Variants in HORMAD2 observed in about 807,000 individuals in gnomAD.
The protein encoded by HORMAD2 is HORMA domain-containing protein 2.
HORMAD2 carries 45 observed loss-of-function variants against 38.8 expected under a neutral mutation model. The observed-to-expected ratio is 1.16, with a 90% confidence interval of 0.91 to 1.49. The LOEUF (loss-of-function observed/expected upper bound fraction) is 1.49. Among genes scored for constraint, HORMAD2 ranks in the 40% most tolerant of loss-of-function variants. HORMAD2 has a pLI of 0.00. For missense variants in HORMAD2, 338 were observed against 367.0 expected (o/e 0.92, Z 0.65); for synonymous variants, 126 against 122.8 (o/e 1.03, Z -0.17).
chr22:30,094,001 A>G lies in HORMAD2; in HGVS notation c.49A>G (p.Lys17Glu). Residue 17 changes from lysine to glutamate, a missense_variant and splice_region_variant, in exon 2 of 11, where the codon AAG (lysine) becomes GAG (glutamate). Lys to Glu is a moderately conservative substitution (Grantham distance 56). Transcript: ENST00000336726. ...CTGCATCACAATACACAAGGCTTCT[A>G]AGGTATTTGTTAAGAATTAAAAGAA... ...SHCITIHKAS[K>E]ETVFPSQITN... The G allele has an allele frequency of 1.3e-6, 2 of 1,599,308 alleles. No homozygotes were observed. Among genetic ancestry groups the G allele is most frequent in the South Asian group, 1.1e-5 (1 of 89,272 alleles).
chr22:30,078,607 C>CAAAAAAAAAAAAA (rs55966787), upstream of HORMAD2, among the ~76,000 whole-genome samples: 50 of 28,098 alleles, frequency 1.8e-3, 6 homozygotes, highest in Non-Finnish European at 2.2e-3. Context: ...CTCTGTCTCA[C>CAAAAAAAAAAAAA]AAAAAAAAAA....
chr22:30,111,909 C>A, intron 6 of HORMAD2, 93 bp downstream of exon 6: 1 of 928,198 alleles, frequency 1.1e-6, no homozygotes, highest in East Asian at 2.9e-5. Context: ...CCCTCTTCCT[C>A]CCTGACTTTT....
At chr22:30,120,893 A>G (rs891939537) in intron 8 of HORMAD2, among the ~76,000 whole-genome samples, 3 of 152,184 alleles carry the variant, frequency 2.0e-5, no homozygotes, top group African/African-American at 7.2e-5. Flanking sequence ...GAGTGAGAGG[A>G]AACTGGGCAA....
the HORMAD2 span, among the ~76,000 whole-genome samples, chr22:30,188,144 G>A: frequency 6.6e-6 from 1 of 152,088 alleles, no homozygotes; most frequent in Non-Finnish European, 1.5e-5. Flanking sequence ...CTGAAGCCAA[G>A]ACAGTAGTGG....
chr22:30,109,907 A>G lies in HORMAD2; in HGVS notation c.295-1889A>G, dbSNP rs371763824. ...AATATAACTTTTTAAGGGTAGGGAT[A>G]GTTATCTTTTTTGTGTCCCTCTCGT... On this transcript the variant is annotated intron_variant, in intron 5 of 10. Transcript: ENST00000336726. Among the ~76,000 whole-genome samples the G allele has an allele frequency of 1.6e-4, 24 of 152,280 alleles. No individual in the cohort carries two copies. The East Asian group carries it at 4.4e-3, about 28-fold the overall frequency.
At chr22:30,202,701 C>T in the HORMAD2 span, among the ~76,000 whole-genome samples, 1 of 152,324 alleles carries the variant, frequency 6.6e-6, no homozygotes, top group Middle Eastern at 3.4e-3. Flanking sequence ...AAGTTCCTCT[C>T]CCAAATCTCA....
chr22:30,153,759 C>T (rs530150267), intron 10 of HORMAD2, among the ~76,000 whole-genome samples: 4 of 152,274 alleles, frequency 2.6e-5, no homozygotes, highest in East Asian at 1.9e-4. Context: ...TCTCAGTAAA[C>T]GACACTATCA....
At chr22:30,118,459 C>G (rs1038001488) in intron 7 of HORMAD2, among the ~76,000 whole-genome samples, 2 of 152,218 alleles carry the variant, frequency 1.3e-5, no homozygotes, top group Non-Finnish European at 2.9e-5. Flanking sequence ...CTTCATGTAC[C>G]TCTCTATCAC....
intron 1 of HORMAD2, among the ~76,000 whole-genome samples, chr22:30,092,043 AT>A (rs34639591): frequency 0.25 from 33,643 of 134,976 alleles, 4,382 homozygotes; most frequent in African/African-American, 0.38. Flanking sequence ...CACCTGGCTA[AT>A]TTTTTTTTTT....
intron 1 of HORMAD2, among the ~76,000 whole-genome samples, chr22:30,093,711 G>A (rs1356875971): frequency 6.6e-6 from 1 of 152,004 alleles, no homozygotes; most frequent in Non-Finnish European, 1.5e-5. Flanking sequence ...AATTATCTTA[G>A]CATTCATTCT....
intron 3 of HORMAD2, among the ~76,000 whole-genome samples, chr22:30,103,015 C>A (rs867157213): frequency 6.6e-6 from 1 of 151,988 alleles, no homozygotes; most frequent in Non-Finnish European, 1.5e-5. Context: ...TGAGAATAAT[C>A]CGTGTGAAAT....
intron 2 of HORMAD2, 103 bp downstream of exon 2, chr22:30,094,106 C>A: frequency 1.2e-6 from 1 of 803,692 alleles, no homozygotes; most frequent in Non-Finnish European, 2.0e-6. Flanking sequence ...GCAGTTTTAT[C>A]AGTTAATTGG....
At chr22:30,191,716 C>T in the HORMAD2 span, among the ~76,000 whole-genome samples, 4 of 152,202 alleles carry the variant, frequency 2.6e-5, 1 homozygote, top group African/African-American at 4.8e-5. Flanking sequence ...AGAAGCCCTA[C>T]TGGAAATCTT....
chr22:30,086,258 C>T (rs2068569761), intron 1 of HORMAD2, among the ~76,000 whole-genome samples: 1 of 152,156 alleles, frequency 6.6e-6, no homozygotes, highest in Non-Finnish European at 1.5e-5. Context: ...TCCTGTGTAG[C>T]CTGCATAACT....
chr22:30,193,860 T>G, the HORMAD2 span, among the ~76,000 whole-genome samples: 1 of 152,188 alleles, frequency 6.6e-6, no homozygotes, highest in Non-Finnish European at 1.5e-5. Flanking sequence ...CTGTGACAGC[T>G]GGGGCCCTTA....
At chr22:30,112,971 G>T (rs891366022) in intron 7 of HORMAD2, among the ~76,000 whole-genome samples, 16 of 151,372 alleles carry the variant, frequency 1.1e-4, no homozygotes, top group Non-Finnish European at 1.9e-4. Context: ...TTTCATTTTT[G>T]CCAACTAAAT....
the HORMAD2 span, among the ~76,000 whole-genome samples, chr22:30,203,830 T>C: frequency 2.0e-5 from 3 of 152,190 alleles, no homozygotes; most frequent in Non-Finnish European, 2.9e-5. Flanking sequence ...AAACGTGCAC[T>C]CTGTATACAC....
intron 5 of HORMAD2, among the ~76,000 whole-genome samples, chr22:30,106,097 G>A (rs1009352684): frequency 5.3e-5 from 8 of 152,064 alleles, no homozygotes; most frequent in Non-Finnish European, 1.0e-4. Flanking sequence ...TGCAACCTCC[G>A]CCTCCCAGGT....
chr22:30,188,998 T>A, the HORMAD2 span, among the ~76,000 whole-genome samples: 1 of 151,626 alleles, frequency 6.6e-6, no homozygotes, highest in African/African-American at 2.4e-5. Context: ...TAGCCTGTAG[T>A]CACAGCTACT....
Sources: allele counts gnomAD v4.1 joint callset (sites outside exome capture counted in the v4.1 genomes callset), GRCh38; gene constraint gnomAD v4.1.1; transcripts MANE v1.5; gene names NCBI Gene and HGNC (gene_info 2026-07-23, HGNC 2026-07-21).